ST3GAL3: variants seen among roughly 807,000 people sequenced by gnomAD.
ST3GAL3 encodes the protein CMP-N-acetylneuraminate-beta-1,4-galactoside alpha-2,3-sialyltransferase.
A neutral mutation model predicts 50.1 loss-of-function variants in ST3GAL3; 21 were observed. The ratio of observed to expected loss-of-function variants is 0.42; its 90% CI spans 0.30 to 0.60. The LOEUF (loss-of-function observed/expected upper bound fraction) is 0.60, where lower values mean the gene tolerates loss of function less well. Among genes scored for constraint, ST3GAL3 ranks in the 20% least tolerant of loss-of-function variants. The probability of loss-of-function intolerance (pLI) is 0.19; values close to 1 mark genes in which losing one functional copy is unlikely to be tolerated. For synonymous variants in ST3GAL3, 183 were observed against 190.0 expected, an observed-to-expected ratio of 0.96 and a Z score of 0.30; for missense variants, 353 against 489.4, an observed-to-expected ratio of 0.72 and a Z score of 2.63.
At chr1:43,733,425 A>G (rs1233354305) in intron 1 of ST3GAL3, among the ~76,000 whole-genome samples, 1 of 152,130 alleles carries the variant, frequency 6.6e-6, no homozygotes, top group Non-Finnish European at 1.5e-5. Flanking sequence ...CCTTTCTCCC[A>G]TTTTTATATG....
chr1:43,916,088 C>T (rs2081746870), intron 9 of ST3GAL3, among the ~76,000 whole-genome samples: 1 of 152,206 alleles, frequency 6.6e-6, no homozygotes, highest in African/African-American at 2.4e-5. Flanking sequence ...CACTGGACTC[C>T]AGCCTGGAGT....
chr1:43,771,974 AG>A (rs1695415193), intron 2 of ST3GAL3: 1 of 398,326 alleles, frequency 2.5e-6, no homozygotes, highest in Non-Finnish European at 4.4e-6. Flanking sequence ...AGGAAAAATA[AG>A]GGGGAATATG....
At chr1:43,835,084 C>A (rs556831805) in intron 4 of ST3GAL3, among the ~76,000 whole-genome samples, 1 of 152,118 alleles carries the variant, frequency 6.6e-6, no homozygotes, top group African/African-American at 2.4e-5. Context: ...TTGGTAGTCA[C>A]GTTTGCAGGA....
At chr1:43,859,629 T>C (rs2069396378) in intron 5 of ST3GAL3, among the ~76,000 whole-genome samples, 2 of 152,164 alleles carry the variant, frequency 1.3e-5, no homozygotes, top group African/African-American at 2.4e-5. Flanking sequence ...GCTCAGCCCC[T>C]TCAGATAGTG....
chr1:43,711,209 C>T (rs770210662), intron 1 of ST3GAL3, among the ~76,000 whole-genome samples: 11 of 152,224 alleles, frequency 7.2e-5, no homozygotes, highest in South Asian at 2.1e-4. Context: ...ATTCATGTGA[C>T]GTGTCCAGCA....
At chr1:43,865,393 A>G (rs2071089360) in intron 5 of ST3GAL3, among the ~76,000 whole-genome samples, 1 of 152,142 alleles carries the variant, frequency 6.6e-6, no homozygotes, top group African/African-American at 2.4e-5. Context: ...TTTTCATTAC[A>G]TCACATGAAT....
intron 2 of ST3GAL3, chr1:43,736,831 G>C: frequency 3.7e-6 from 1 of 269,774 alleles, no homozygotes; most frequent in Middle Eastern, 1.4e-3. Flanking sequence ...TTTCCCTAAA[G>C]AAACGTTGTC....
At chr1:43,907,028 C>T (rs16831407) in intron 9 of ST3GAL3, among the ~76,000 whole-genome samples, 7,621 of 152,208 alleles carry the variant, frequency 0.05, 620 homozygotes, top group African/African-American at 0.17. Flanking sequence ...TCCTATCTGC[C>T]ATGGTCTGTG....
chr1:43,817,583 C>CT (rs1374270452), intron 4 of ST3GAL3, among the ~76,000 whole-genome samples: 4,489 of 73,994 alleles, frequency 0.061, 142 homozygotes, highest in Non-Finnish European at 0.089. Context: ...TCTCCTTCTC[C>CT]TCCTTCTCCT....
chr1:43,803,470 T>C (rs922715365), intron 3 of ST3GAL3, among the ~76,000 whole-genome samples: 17 of 152,260 alleles, frequency 1.1e-4, no homozygotes, highest in Admixed American at 1.1e-3. Flanking sequence ...TGTTCAAATC[T>C]TCTGAATTCT....
At chr1:43,901,959 A>C (rs2078350465) in intron 9 of ST3GAL3, among the ~76,000 whole-genome samples, 1 of 152,210 alleles carries the variant, frequency 6.6e-6, no homozygotes, top group Non-Finnish European at 1.5e-5. Flanking sequence ...CCCATCTCTC[A>C]GAGTGGACCT....
intron 2 of ST3GAL3, among the ~76,000 whole-genome samples, chr1:43,764,390 T>C (rs927771456): frequency 1.3e-5 from 2 of 152,138 alleles, no homozygotes; most frequent in African/African-American, 4.8e-5. Context: ...GTATTTGGGC[T>C]ATATAATGAG....
chr1:43,791,552 A>G (rs1181244988), intron 2 of ST3GAL3, among the ~76,000 whole-genome samples: 3 of 152,124 alleles, frequency 2.0e-5, no homozygotes, highest in Non-Finnish European at 4.4e-5. Context: ...GTAGGTACTC[A>G]TGGCATGCAT....
At chr1:43,775,251 G>A (rs564326359) in intron 2 of ST3GAL3, among the ~76,000 whole-genome samples, 40 of 134,688 alleles carry the variant, frequency 3.0e-4, no homozygotes, top group African/African-American at 1.1e-3. Flanking sequence ...TTTTTTTTTC[G>A]AGACTGAGTC....
chr1:43,906,716 T>C (rs897361105), intron 9 of ST3GAL3, among the ~76,000 whole-genome samples: 9 of 152,208 alleles, frequency 5.9e-5, no homozygotes, highest in Admixed American at 4.6e-4. Flanking sequence ...CCTTTTGTTC[T>C]CCTCTTCCTT....
intron 2 of ST3GAL3, among the ~76,000 whole-genome samples, chr1:43,746,313 C>T (rs929481016): frequency 1.3e-5 from 2 of 152,146 alleles, no homozygotes; most frequent in South Asian, 2.1e-4. Context: ...ACATGGCTGC[C>T]GGAGACTGGA....
rs139959081 is a variant in ST3GAL3 at position 43,729,601 on chromosome 1, C to T, written c.-30-6632C>T. Among the ~76,000 whole-genome samples, 59 of 152,312 alleles carry T rather than the reference C, an allele frequency of 3.9e-4. 2 individuals carry two copies. In the East Asian group the frequency reaches 0.011, roughly 28 times the overall value. Reference sequence around the variant, plus strand: ...GGACTAATGTCCCTCTCTCCCCTTTCACCCCAGGCATGTGTGACTCTCCCT... The same window carrying T: ...GGACTAATGTCCCTCTCTCCCCTTTTACCCCAGGCATGTGTGACTCTCCCT... On this transcript the variant is annotated intron_variant, in intron 1 of 11. Transcript: ENST00000347631.
chr1:43,887,928 T>G lies in ST3GAL3; in HGVS notation c.303-6455T>G, dbSNP rs529655387. ...TTGAAACCTGATCTCCCCATCACCA[T>G]GAAAGCATGCCTGTGGCCAAGAGAA... On this transcript the variant is annotated intron_variant, in intron 5 of 11. Transcript: ENST00000347631. 2.6e-5 allele frequency among the ~76,000 whole-genome samples: 4 copies of G among 152,104 alleles called. No homozygotes were observed. The East Asian group carries it at 7.7e-4, about 29-fold the overall frequency.
chr1:43,775,789 T>G (rs1697003604), intron 2 of ST3GAL3, among the ~76,000 whole-genome samples: 1 of 144,988 alleles, frequency 6.9e-6, no homozygotes, highest in Non-Finnish European at 1.5e-5. Context: ...AAACCAGGAG[T>G]TTTTTTTTTT....
Sources: gnomAD v4.1 joint callset for allele counts (sites outside exome capture counted in the v4.1 genomes callset) on GRCh38, gnomAD v4.1.1 for gene constraint, MANE v1.5 for transcripts, NCBI Gene and HGNC (gene_info 2026-07-23, HGNC 2026-07-21) for gene names.